The following TMEM132D variants were observed in gnomAD, a reference collection of about 807,000 sequenced individuals.
The protein encoded by TMEM132D is mature OL transmembrane protein.
A neutral mutation model predicts 62.3 loss-of-function variants in TMEM132D; 21 were observed. The ratio of observed to expected loss-of-function variants is 0.34; its 90% CI spans 0.24 to 0.49. TMEM132D has a LOEUF of 0.49. Ranked by LOEUF, TMEM132D falls within the 20% of genes least tolerant of loss-of-function variation. The pLI is 0.99. For missense variants in TMEM132D, 1,346 were observed against 1,402.8 expected (o/e 0.96, Z 0.65); for synonymous variants, 621 against 575.6 (o/e 1.08, Z -1.13).
Position 129,097,510 on chromosome 12 carries a change from A to G in TMEM132D, c.1444-12808T>C, listed in dbSNP as rs553001875. 3.9e-4 allele frequency among the ~76,000 whole-genome samples: 59 copies of G among 152,248 alleles called. 1 individual carries two copies. Among genetic ancestry groups the G allele is most frequent in the Non-Finnish European group, 7.3e-4 (50 of 68,046 alleles). ...GAATGAGTAACTCAAAGAGATGACT[A>G]AAATTTGAGTATATGTAGCATCTTC... is the stretch of plus-strand genomic sequence containing the variant. On this transcript the variant is annotated intron_variant, in intron 5 of 8. Transcript: ENST00000422113.
At chr12:129,184,197 C>G (rs548000583) in intron 5 of TMEM132D, among the ~76,000 whole-genome samples, 26 of 152,328 alleles carry the variant, frequency 1.7e-4, no homozygotes, top group African/African-American at 6.3e-4. Flanking sequence ...CAGGTCTCTG[C>G]AGGCCACCCG....
intron 4 of TMEM132D, among the ~76,000 whole-genome samples, chr12:129,301,333 C>T (rs543180919): frequency 1.6e-4 from 24 of 152,260 alleles, no homozygotes; most frequent in East Asian, 1.4e-3. Context: ...ATACAGCACA[C>T]ACCTTATGAG....
chr12:129,738,917 G>C (rs193150277), intron 1 of TMEM132D, among the ~76,000 whole-genome samples: 1 of 152,200 alleles, frequency 6.6e-6, no homozygotes, highest in Non-Finnish European at 1.5e-5. Context: ...TCCAGAAGGA[G>C]TATAATGATC....
intron 3 of TMEM132D, among the ~76,000 whole-genome samples, chr12:129,398,713 C>A (rs567908332): frequency 6.6e-6 from 1 of 152,266 alleles, no homozygotes; most frequent in African/African-American, 2.4e-5. Context: ...TCTGTTACAT[C>A]CTAGCCACCA....
rs138024935 is a variant in TMEM132D, at chr12:129,074,500, A to T, written c.2675T>A (p.Val892Glu). 3.7e-5 allele frequency: 60 copies of T among 1,613,942 alleles called. No homozygotes were observed. The highest frequency in any genetic ancestry group is 3.3e-4 in the Middle Eastern group (2 of 6,084). The change falls in exon 9 of 9, where the codon GTG (valine) becomes GAG (glutamate). Residue 892 changes from valine to glutamate, a missense_variant. Coordinates refer to ENST00000422113, the MANE Select transcript of TMEM132D (RefSeq NM_133448.3). The stretch of plus-strand genomic sequence containing the variant: ...TTCCCCATTGCTTCTGGGGAGGTCC[A>T]CCTGGGCTGGGAAGCTGGTGAGGTC... ...PSDLTSFPAQ[V>E]DLPRSNGEMD...
At chr12:129,434,637 C>T (rs1032921914) in intron 3 of TMEM132D, among the ~76,000 whole-genome samples, 18 of 151,054 alleles carry the variant, frequency 1.2e-4, no homozygotes, top group Non-Finnish European at 2.4e-4. Flanking sequence ...AAAAAGGAGA[C>T]GCAGACATTT....
intron 3 of TMEM132D, among the ~76,000 whole-genome samples, chr12:129,425,302 G>A (rs1872460649): frequency 6.6e-6 from 1 of 151,888 alleles, no homozygotes; most frequent in Admixed American, 6.6e-5. Context: ...GGAAATTTTT[G>A]TATTTAATGT....
At chr12:129,429,741 G>C (rs56289327) in intron 3 of TMEM132D, among the ~76,000 whole-genome samples, 31,797 of 81,084 alleles carry the variant, frequency 0.39, 5,033 homozygotes, top group Admixed American at 0.5. Context: ...CCCCTCCCCC[G>C]ACCCCACAAC....
intron 5 of TMEM132D, among the ~76,000 whole-genome samples, chr12:129,121,379 G>T (rs1007502693): frequency 1.3e-5 from 2 of 152,294 alleles, no homozygotes; most frequent in East Asian, 3.9e-4. Context: ...TTACAGGCAT[G>T]AGCCACTGCA....
intron 4 of TMEM132D, among the ~76,000 whole-genome samples, chr12:129,229,988 G>A (rs545831177): frequency 5.3e-5 from 8 of 152,174 alleles, no homozygotes; most frequent in Non-Finnish European, 1.0e-4. Context: ...GTTTCTTTTA[G>A]GCTAGTGTAA....
rs141171367 is a variant in TMEM132D, at chr12:129,692,240, A to C, written c.968+7570T>G. Among the ~76,000 whole-genome samples the C allele has an allele frequency of 4.9e-3, 746 of 152,318 alleles. 7 individuals carry two copies. The highest frequency in any genetic ancestry group is 0.017 in the African/African-American group (705 of 41,570). On this transcript the variant is annotated intron_variant, in intron 2 of 8. Transcript: ENST00000422113. ...ATAAAAAGAATTACACACCACACTCAAGTGGAGTTTATTCCAGGTATACAA... is the reference window on the plus strand; with the variant it reads ...ATAAAAAGAATTACACACCACACTCCAGTGGAGTTTATTCCAGGTATACAA...
At chr12:129,394,474 A>G (rs1354633770) in intron 3 of TMEM132D, among the ~76,000 whole-genome samples, 4 of 152,230 alleles carry the variant, frequency 2.6e-5, no homozygotes, top group Non-Finnish European at 5.9e-5. Context: ...CTAAGGAAAC[A>G]GCTACACCTC....
intron 3 of TMEM132D, among the ~76,000 whole-genome samples, chr12:129,506,496 G>T (rs980754323): frequency 2.0e-5 from 3 of 152,080 alleles, no homozygotes; most frequent in South Asian, 2.1e-4. Context: ...GCATGGTACT[G>T]GTATAAAAAT....
intron 4 of TMEM132D, among the ~76,000 whole-genome samples, chr12:129,273,668 G>A (rs987266259): frequency 2.0e-5 from 3 of 151,762 alleles, no homozygotes; most frequent in South Asian, 4.1e-4. Flanking sequence ...ATGCATGAAC[G>A]AAAAACCAGT....
chr12:129,143,855 A>C, intron 5 of TMEM132D, among the ~76,000 whole-genome samples: 1 of 152,132 alleles, frequency 6.6e-6, no homozygotes, highest in East Asian at 1.9e-4. Context: ...CTGAAGGTCG[A>C]TACAATTTGA....
intron 2 of TMEM132D, among the ~76,000 whole-genome samples, chr12:129,540,451 G>A (rs964979620): frequency 1.3e-5 from 2 of 151,966 alleles, no homozygotes; most frequent in African/African-American, 2.4e-5. Flanking sequence ...TCTGCCTCTG[G>A]GTGTGTTTGT....
chr12:129,677,509 A>G (rs1880659683), intron 2 of TMEM132D, among the ~76,000 whole-genome samples: 1 of 152,212 alleles, frequency 6.6e-6, no homozygotes, highest in Admixed American at 6.5e-5. Context: ...AGAGGTCTAA[A>G]GCCAGCATGG....
Position 129,700,072 on chromosome 12 carries a change from T to C in TMEM132D, c.706A>G (p.Arg236Gly), listed in dbSNP as rs2137225964. 6.2e-7 allele frequency: 1 copy of C among 1,613,630 alleles called. No homozygotes were observed. Among genetic ancestry groups the C allele is most frequent in the African/African-American group, 1.3e-5 (1 of 75,036 alleles). ...GCGTCTTCCCTGACGCAGTCCCCTC[T>C]CTCACCCCCTGGGTGCACGGTGTAG... ...LYYTVHPGGERGDCVREDARR... is the reference protein window; with the variant it reads ...LYYTVHPGGEGGDCVREDARR... Residue 236 changes from arginine to glycine, a missense_variant, in exon 2 of 9, where the codon AGA (arginine) becomes GGA (glycine). Arg to Gly is a moderately radical substitution (Grantham distance 125). Coordinates refer to ENST00000422113, the MANE Select transcript of TMEM132D (RefSeq NM_133448.3).
At position 129,084,553 on chromosome 12, in the gene TMEM132D, G is replaced by T. The variant is rs376143160; in HGVS notation, c.1593C>A (p.Ser531=). The change falls in exon 6 of 9, where the codon TCC becomes TCA. Residue 531 remains serine (S), a synonymous_variant. Transcript: ENST00000422113. ...VPRLPLQIEV[S]DTELNQIKGW... ...CCTTGATCTGATTGAGCTCGGTGTC[G>T]GAGACCTCGATCTGCAGCGGAAGCC... The T allele has an allele frequency of 1.2e-6, 2 of 1,613,566 alleles. No homozygotes were observed. Among genetic ancestry groups the T allele is most frequent in the Non-Finnish European group, 1.7e-6 (2 of 1,179,734 alleles).
Sources: allele counts gnomAD v4.1 joint callset (sites outside exome capture counted in the v4.1 genomes callset), GRCh38; gene constraint gnomAD v4.1.1; transcripts MANE v1.5; gene names NCBI Gene and HGNC (gene_info 2026-07-23, HGNC 2026-07-21).